The following CENPP variants were observed in gnomAD, a reference collection of about 807,000 sequenced individuals.
CENPP encodes the protein centromere protein P.
A neutral mutation model predicts 35.6 loss-of-function variants in CENPP; 24 were observed. The observed-to-expected ratio is 0.67, with a 90% CI of 0.49 to 0.95. The LOEUF (loss-of-function observed/expected upper bound fraction) is 0.95, where lower values mean the gene tolerates loss of function less well. CENPP is among the 40% of genes least tolerant of loss of function. CENPP has a pLI of 0.00. For synonymous variants in CENPP, 120 were observed against 125.5 expected (o/e 0.96, Z 0.29); for missense variants, 332 against 345.3 (o/e 0.96, Z 0.31).
intron 3 of CENPP, among the ~76,000 whole-genome samples, chr9:92,340,900 A>G (rs1218067285): frequency 1.3e-5 from 2 of 152,218 alleles, no homozygotes; most frequent in African/African-American, 4.8e-5. Context: ...AGGGAATAAG[A>G]GAGATAACCT....
At position 92,418,390 on chromosome 9, in the gene CENPP, A is replaced by AT. The variant is rs959049639; in HGVS notation, c.564+38545dup. 8.0e-4 allele frequency among the ~76,000 whole-genome samples: 116 copies of AT among 145,702 alleles called. 1 individual carries two copies. The highest frequency in any genetic ancestry group is 3.5e-3 in the Middle Eastern group (1 of 286). ...GCGTGAGCCACTGCGCCTGGCCGAG[A>AT]TTTTTTTTTTTTTTAAGTCACATAT... On this transcript the variant is annotated intron_variant, in intron 5 of 7. Coordinates refer to ENST00000375587, the MANE Select transcript of CENPP (RefSeq NM_001012267.3).
At chr9:92,580,946 T>C (rs1317930731) in intron 5 of CENPP, among the ~76,000 whole-genome samples, 1 of 152,258 alleles carries the variant, frequency 6.6e-6, no homozygotes, top group Non-Finnish European at 1.5e-5. Flanking sequence ...TTTAGTGCTA[T>C]AAATTTCCCT....
intron 5 of CENPP, among the ~76,000 whole-genome samples, chr9:92,472,293 G>A (rs1845550358): frequency 6.6e-6 from 1 of 151,998 alleles, no homozygotes; most frequent in South Asian, 2.1e-4. Context: ...GGAGGCAGAG[G>A]TTGCAGTGAG....
At chr9:92,403,254 G>A in intron 5 of CENPP, 1 of 1,583,470 alleles carries the variant, frequency 6.3e-7, no homozygotes, top group Non-Finnish European at 8.6e-7. Flanking sequence ...TTTCCATCCA[G>A]GTATTTATCC....
chr9:92,485,509 C>G (rs1039942031), intron 5 of CENPP, among the ~76,000 whole-genome samples: 3 of 152,126 alleles, frequency 2.0e-5, no homozygotes, highest in African/African-American at 7.2e-5. Flanking sequence ...TTTCCTTTGG[C>G]CTTATATATG....
At position 92,611,368 on chromosome 9, in the gene CENPP, G is replaced by A; in HGVS notation, c.619G>A (p.Gly207Arg). 1 of 1,613,424 alleles carries A rather than the reference G, an allele frequency of 6.2e-7. No individual in the cohort carries two copies. Among genetic ancestry groups the A allele is most frequent in the South Asian group, 1.1e-5 (1 of 91,046 alleles). ...GGAGGGGCCCTCCTCCTGCTCCATG[G>A]GGATCCGCAGCGCCAGCCGGCCAGG... ...LSEGPSSCSM[G>R]IRSASRPGFE... The change falls in exon 6 of 8, where the codon GGG becomes AGG. Residue 207 changes from glycine (G) to arginine (R), a missense_variant. Physicochemically the swap from Gly to Arg is moderately radical, Grantham distance 125. Transcript: ENST00000375587.
At chr9:92,461,108 C>T (rs1588146730) in intron 5 of CENPP, among the ~76,000 whole-genome samples, 1 of 122,536 alleles carries the variant, frequency 8.2e-6, no homozygotes, top group Non-Finnish European at 1.7e-5. Flanking sequence ...GTTTTATCTA[C>T]TCTTAATTAT....
intron 5 of CENPP, chr9:92,417,286 C>T: frequency 6.2e-7 from 1 of 1,614,032 alleles, no homozygotes; most frequent in Non-Finnish European, 8.5e-7. Flanking sequence ...GCTGAATGTG[C>T]ATCGGAATAT....
rs186875905 is a variant in CENPP, at chr9:92,590,975, T to A, written c.565-20339T>A. 3.0e-3 allele frequency among the ~76,000 whole-genome samples: 455 copies of A among 152,316 alleles called. 3 individuals carry two copies. The highest frequency in any genetic ancestry group is 0.01 in the African/African-American group (421 of 41,560). ...AGTATTAAACAATTGAAGTTTTGAATAAATGAGCCAAAAGGGAGTCAACAT... is the reference window on the plus strand; with the variant it reads ...AGTATTAAACAATTGAAGTTTTGAAAAAATGAGCCAAAAGGGAGTCAACAT... On this transcript the variant is annotated intron_variant, in intron 5 of 7. Transcript: ENST00000375587.
intron 5 of CENPP, among the ~76,000 whole-genome samples, chr9:92,576,140 T>C (rs1019450908): frequency 7.9e-5 from 12 of 152,192 alleles, no homozygotes; most frequent in African/African-American, 2.9e-4. Flanking sequence ...ACAAATGCAG[T>C]CTGTCCATAT....
chr9:92,591,525 C>G (rs897072365), intron 5 of CENPP, among the ~76,000 whole-genome samples: 1 of 151,452 alleles, frequency 6.6e-6, no homozygotes, highest in African/African-American at 2.4e-5. Context: ...AAAAGACATA[C>G]TGACTTCCCA....
chr9:92,433,565 CATT>C (rs1346934480), intron 5 of CENPP, among the ~76,000 whole-genome samples: 2 of 152,028 alleles, frequency 1.3e-5, no homozygotes, highest in Non-Finnish European at 2.9e-5. Flanking sequence ...ATTTATAAAA[CATT>C]ATTATTTGTA....
At chr9:92,532,396 C>A (rs1848853583) in intron 5 of CENPP, among the ~76,000 whole-genome samples, 2 of 152,084 alleles carry the variant, frequency 1.3e-5, no homozygotes, top group Non-Finnish European at 2.9e-5. Flanking sequence ...CATTTGGAAA[C>A]TTCTCAGCCC....
intron 5 of CENPP, among the ~76,000 whole-genome samples, chr9:92,578,533 C>G (rs1239503522): frequency 1.3e-5 from 2 of 152,180 alleles, no homozygotes; most frequent in Non-Finnish European, 2.9e-5. Context: ...TTTTGATTTG[C>G]ATTTCTCTGA....
rs543625869 is a variant in CENPP at position 92,552,213 on chromosome 9, A to C, written c.565-59101A>C. ...TATACACACACACACACACACACAC[A>C]CACCCCACAGTTTCTTTATCCACTT... On this transcript the variant is annotated intron_variant, in intron 5 of 7. Coordinates refer to ENST00000375587, the MANE Select transcript of CENPP (RefSeq NM_001012267.3). 2.8e-3 allele frequency among the ~76,000 whole-genome samples: 415 copies of C among 150,190 alleles called. 6 individuals are homozygous for C. The highest frequency in any genetic ancestry group is 4.8e-3 in the Non-Finnish European group (323 of 67,468).
chr9:92,362,396 G>C (rs1841778151), intron 4 of CENPP, among the ~76,000 whole-genome samples: 1 of 151,972 alleles, frequency 6.6e-6, no homozygotes, highest in Admixed American at 6.6e-5. Flanking sequence ...TTTTTTGTTT[G>C]TTTCTTTTTC....
intron 4 of CENPP, among the ~76,000 whole-genome samples, chr9:92,372,099 CTTTTTTTT>C (rs71362382): frequency 1.3e-4 from 4 of 30,686 alleles, no homozygotes; most frequent in Non-Finnish European, 1.6e-4. Context: ...TGCCAGCCAT[CTTTTTTTT>C]TTTTTTTTTT....
intron 5 of CENPP, among the ~76,000 whole-genome samples, chr9:92,409,291 T>G (rs1843384196): frequency 6.6e-6 from 1 of 152,218 alleles, no homozygotes; most frequent in South Asian, 2.1e-4. Flanking sequence ...GCTCTTATGC[T>G]TTATTTCCAA....
intron 5 of CENPP, among the ~76,000 whole-genome samples, chr9:92,567,401 T>TATATATATATATATATATATAGATAG (rs1554688339): frequency 1.6e-5 from 2 of 124,370 alleles, no homozygotes; most frequent in South Asian, 2.4e-4. Context: ...TATATAGATA[T>TATATATATATATATATATATAGATAG]ATATATAAAG....
Sources: gnomAD v4.1 joint callset for allele counts (sites outside exome capture counted in the v4.1 genomes callset) on GRCh38, gnomAD v4.1.1 for gene constraint, MANE v1.5 for transcripts, NCBI Gene and HGNC (gene_info 2026-07-23, HGNC 2026-07-21) for gene names.